The following GPR33 variants were observed in gnomAD, a reference collection of about 807,000 sequenced individuals.
GPR33 encodes G protein-coupled receptor 33, also known as probable G protein-coupled receptor 33.
A neutral mutation model predicts 3.1 loss-of-function variants in GPR33; 4 were observed. The ratio of observed to expected loss-of-function variants is 1.29; its 90% CI spans 0.64 to 2.96. The LOEUF is 2.96. Among genes scored for constraint, GPR33 ranks in the 30% most tolerant of loss-of-function variants. The pLI is 0.01. For synonymous variants in GPR33, 138 were observed against 142.0 expected (o/e 0.97, Z 0.20); for missense variants, 390 against 388.9 (o/e 1.00, Z -0.02).
Position 31,487,510 on chromosome 14 carries a change from G to C in GPR33, c.-7+387C>G, listed in dbSNP as rs557282206. 1.3e-4 allele frequency among the ~76,000 whole-genome samples: 18 copies of C among 137,728 alleles called. No individual in the cohort carries two copies. The South Asian group carries it at 4.0e-3, about 31-fold the overall frequency. 90.4% of individuals were successfully genotyped at this position (137,728 alleles called of 152,430 possible). Reference sequence around the variant, plus strand: ...GCTGGAGTGCAATGGCGTGATCCTGGCTCACTGCAACCTCCGCCTCCTGGG... The same window carrying C: ...GCTGGAGTGCAATGGCGTGATCCTGCCTCACTGCAACCTCCGCCTCCTGGG... On this transcript the variant is annotated intron_variant, in intron 1 of 1. Transcript: ENST00000399285.
At chr14:31,487,713 C>T (rs989752526) in intron 1 of GPR33, among the ~76,000 whole-genome samples, 184 bp downstream of exon 1, 6 of 152,136 alleles carry the variant, frequency 3.9e-5, no homozygotes, top group Non-Finnish European at 7.3e-5. Context: ...GCTGGGATTA[C>T]AGGCATGAGC....
At chr14:31,486,818 C>T (rs74040831) in intron 1 of GPR33, among the ~76,000 whole-genome samples, 54 of 152,276 alleles carry the variant, frequency 3.5e-4, no homozygotes, top group African/African-American at 1.3e-3. Flanking sequence ...TGTCCCTTTT[C>T]CCCATTAACC....
intron 1 of GPR33, among the ~76,000 whole-genome samples, chr14:31,484,737 T>A (rs1222807111): frequency 6.6e-6 from 1 of 152,164 alleles, no homozygotes; most frequent in Non-Finnish European, 1.5e-5. Flanking sequence ...ATAGCAATGT[T>A]GCAAATTAGT....
At chr14:31,487,028 G>T (rs1274736939) in intron 1 of GPR33, among the ~76,000 whole-genome samples, 3 of 152,072 alleles carry the variant, frequency 2.0e-5, no homozygotes. Context: ...TTGTGTGTTT[G>T]TGTTGTATGC....
chr14:31,484,008 A>C, intron 1 of GPR33, 37 bp from the exon 2 acceptor site: 1 of 1,429,180 alleles, frequency 7.0e-7, no homozygotes, highest in Non-Finnish European at 9.2e-7. Flanking sequence ...ACAACAAGAA[A>C]AAGCAAAAGA....
chr14:31,486,291 G>T (rs2032418548), intron 1 of GPR33, among the ~76,000 whole-genome samples: 1 of 151,964 alleles, frequency 6.6e-6, no homozygotes, highest in Non-Finnish European at 1.5e-5. Context: ...AGAGAAAAGG[G>T]TCTTGCTGTG....
chr14:31,483,342 G>T lies in GPR33; in HGVS notation c.624C>A (p.Ser208Arg). Reference protein sequence around the residue: ...RQWIHVACFISRFLLGFLLPF... With the variant: ...RQWIHVACFIRRFLLGFLLPF... ...GCAGAAGAAAGCCCAGCAAGAAGCGGCTGATGAAACAGGCCACATGAATCC... is the reference window on the plus strand; with the variant it reads ...GCAGAAGAAAGCCCAGCAAGAAGCGTCTGATGAAACAGGCCACATGAATCC... Residue 208 changes from serine to arginine, a missense_variant, in exon 2 of 2, where the codon AGC (serine) becomes AGA (arginine). Physicochemically the swap from Ser to Arg is moderately radical, Grantham distance 110. Transcript: ENST00000399285. The T allele has an allele frequency of 6.5e-7, 1 of 1,536,156 alleles. No individual in the cohort carries two copies.
rs1239791895 is a variant in GPR33, at chr14:31,483,781, A to G, written c.185T>C (p.Val62Ala). The change falls in exon 2 of 2, where the codon GTC becomes GCC. Residue 62 changes from valine to alanine, a missense_variant. Val to Ala is a moderately conservative substitution (Grantham distance 64, BLOSUM62 0). Coordinates refer to ENST00000399285, the MANE Select transcript of GPR33 (RefSeq NM_001197184.3). Reference protein sequence around the residue: ...WVLRFKMKQTVNTLLFFHLIL... With the variant: ...WVLRFKMKQTANTLLFFHLIL... Reference sequence around the variant, plus strand: ...GAGATGAAAAAATAAGAGAGTATTGACAGTCTGTTTCATCTTGAATCTTAG... The same window carrying G: ...GAGATGAAAAAATAAGAGAGTATTGGCAGTCTGTTTCATCTTGAATCTTAG... The G allele has an allele frequency of 1.3e-6, 2 of 1,535,948 alleles. No individual in the cohort carries two copies. Among genetic ancestry groups the G allele is most frequent in the Non-Finnish European group, 1.7e-6 (2 of 1,146,860 alleles).
Position 31,483,698 on chromosome 14 carries a change from G to A in GPR33, c.268C>T (p.Gln90Ter). The change falls in exon 2 of 2, where the codon CAA (glutamine) becomes TAA (stop). Residue 90 changes from glutamine (Q) to a stop codon, truncating the protein, a stop_gained. Coordinates refer to ENST00000399285, the MANE Select transcript of GPR33 (RefSeq NM_001197184.3). LOFTEE classifies it low-confidence loss of function (END_TRUNC). Reference sequence around the variant, plus strand: ...GTTCCAAAGTTCCAGTGATTGTCTTGAAGTTGGGAGGTGGCCATAAATGGC... The same window carrying A: ...GTTCCAAAGTTCCAGTGATTGTCTTAAAGTTGGGAGGTGGCCATAAATGGC... ...ILPFMATSQLQDNHWNFGTAL... is the reference protein window; with the variant it reads ...ILPFMATSQL 6.5e-7 allele frequency: 1 copy of A among 1,536,120 alleles called. No homozygotes were observed. The highest frequency in any genetic ancestry group is 2.4e-5 in the East Asian group (1 of 40,924).
Position 31,482,957 on chromosome 14 carries a change from T to C in GPR33, c.*7A>G, listed in dbSNP as rs1044049205. The C allele has an allele frequency of 4.7e-6, 7 of 1,489,022 alleles. No individual in the cohort carries two copies. The highest frequency in any genetic ancestry group is 5.3e-6 in the Non-Finnish European group (6 of 1,129,756). 92.2% of individuals were successfully genotyped at this position (1,489,022 alleles called of 1,614,324 possible). ...AGAATCTAGAATTTAAATTTAGGCT[T>C]CTGAGTTTAGGTTTGTGTCCTTTCT... is the stretch of plus-strand genomic sequence containing the variant. On this transcript the variant is annotated 3_prime_UTR_variant, in exon 2 of 2. Transcript: ENST00000399285.
chr14:31,486,637 G>A lies in GPR33; in HGVS notation c.-7+1260C>T, dbSNP rs976886860. On this transcript the variant is annotated intron_variant, in intron 1 of 1. Transcript: ENST00000399285. Reference sequence around the variant, plus strand: ...GGACCTTAAGAAGAGGGTGGAAGACGAGGATGATTTTAAGACAGGCAGCAC... The same window carrying A: ...GGACCTTAAGAAGAGGGTGGAAGACAAGGATGATTTTAAGACAGGCAGCAC... Among the ~76,000 whole-genome samples, 13 of 152,260 alleles carry A rather than the reference G, an allele frequency of 8.5e-5. 1 individual carries two copies. In the Middle Eastern group the frequency reaches 0.014, roughly 159 times the overall value.
In GPR33 at chr14:31,483,051, A is replaced by G. The variant is rs80044526; in HGVS notation, c.915T>C (p.Asn305=). The G allele has an allele frequency of 5.8e-3, 8,943 of 1,535,876 alleles. 215 individuals are homozygous for G. In the East Asian group the frequency reaches 0.065, roughly 11 times the overall value. Residue 305 remains asparagine (N), a synonymous_variant, in exon 2 of 2, where the codon AAT becomes AAC. Coordinates refer to ENST00000399285, the MANE Select transcript of GPR33 (RefSeq NM_001197184.3). ...TGGACTTCTTGAAGACCTTTTTGAA[A>G]TTCTCCCCAACAAATAAGTAGAGTG... The part of the protein sequence containing the change: ...SPTLYLFVGE[N]FKKVFKKSIL...
In GPR33 at chr14:31,483,168, G is replaced by A. The variant is rs923345745; in HGVS notation, c.798C>T (p.Gly266=). 3.9e-6 allele frequency: 6 copies of A among 1,535,984 alleles called. No homozygotes were observed. The African/African-American group carries it at 5.5e-5, about 14-fold the overall frequency. The change falls in exon 2 of 2, where the codon GGC becomes GGT. Residue 266 remains glycine (G), a synonymous_variant. Coordinates refer to ENST00000399285, the MANE Select transcript of GPR33 (RefSeq NM_001197184.3). ...VCWMPYHIHQ[G]LLLTTNQSLL... The stretch of plus-strand genomic sequence containing the variant: ...GTGACTGGTTCGTAGTGAGAAGTAA[G>A]CCCTGGTGTATATGGTAGGGCATCC...
Position 31,483,178 on chromosome 14 carries a change from A to T in GPR33, c.788T>A (p.Ile263Lys). The T allele has an allele frequency of 6.5e-7, 1 of 1,536,130 alleles. No homozygotes were observed. The highest frequency in any genetic ancestry group is 8.7e-7 in the Non-Finnish European group (1 of 1,146,906). The change falls in exon 2 of 2, where the codon ATA becomes AAA. Residue 263 changes from isoleucine (I) to lysine (K), a missense_variant. Physicochemically the swap from Ile to Lys is moderately radical, Grantham distance 102. Transcript: ENST00000399285. ...SFFVCWMPYH[I>K]HQGLLLTTNQ... ...CGTAGTGAGAAGTAAGCCCTGGTGTATATGGTAGGGCATCCAACACACAAA... is the reference window on the plus strand; with the variant it reads ...CGTAGTGAGAAGTAAGCCCTGGTGTTTATGGTAGGGCATCCAACACACAAA...
At chr14:31,487,121 C>T (rs1196391331) in intron 1 of GPR33, among the ~76,000 whole-genome samples, 1 of 151,996 alleles carries the variant, frequency 6.6e-6, no homozygotes, top group Non-Finnish European at 1.5e-5. Context: ...TGCATCTGAG[C>T]TCTAGAAGGA....
Position 31,483,705 on chromosome 14 carries a change from G to C in GPR33, c.261C>G (p.Ser87=). The C allele has an allele frequency of 6.5e-7, 1 of 1,534,356 alleles. No homozygotes were observed. Among genetic ancestry groups the C allele is most frequent in the Non-Finnish European group, 8.7e-7 (1 of 1,146,892 alleles). The part of the protein sequence containing the change: ...STMILPFMAT[S]QLQDNHWNFG... ...AGTTCCAGTGATTGTCTTGAAGTTG[G>C]GAGGTGGCCATAAATGGCAGAATCA... Residue 87 remains serine (S), a synonymous_variant, in exon 2 of 2, where the codon TCC becomes TCG. Coordinates refer to ENST00000399285, the MANE Select transcript of GPR33 (RefSeq NM_001197184.3).
chr14:31,484,617 C>CT (rs2032398294), intron 1 of GPR33, among the ~76,000 whole-genome samples: 1 of 152,074 alleles, frequency 6.6e-6, no homozygotes, highest in Non-Finnish European at 1.5e-5. Context: ...AACCAGAAGT[C>CT]TGACACTTTT....
Position 31,482,909 on chromosome 14 carries a change from T to C in GPR33, c.*55A>G, listed in dbSNP as rs2032375240. The C allele has an allele frequency of 5.0e-6, 7 of 1,393,070 alleles. No homozygotes were observed. In the East Asian group the frequency reaches 9.9e-5, roughly 20 times the overall value. The allele number at this position is 1,393,070 out of a possible 1,614,324, so 86.3% of individuals were successfully genotyped here. A position where few individuals can be genotyped will look rare whatever the true frequency, so the allele number is the denominator to read the frequency against. ...CAGAAGGTATATCCTATTGGTATAA[T>C]TGACCAAGTGCGTGTTTGCTTAAGA... On this transcript the variant is annotated 3_prime_UTR_variant, in exon 2 of 2. Coordinates refer to ENST00000399285, the MANE Select transcript of GPR33 (RefSeq NM_001197184.3).
chr14:31,485,221 C>T (rs925618183), intron 1 of GPR33, among the ~76,000 whole-genome samples: 1 of 151,832 alleles, frequency 6.6e-6, no homozygotes, highest in Non-Finnish European at 1.5e-5. Context: ...CAGGCGTGAG[C>T]CACTGCGCCT....
Sources: gnomAD v4.1 joint callset for allele counts (sites outside exome capture counted in the v4.1 genomes callset) on GRCh38, gnomAD v4.1.1 for gene constraint, MANE v1.5 for transcripts, NCBI Gene and HGNC (gene_info 2026-07-23, HGNC 2026-07-21) for gene names.